SPOCK1: variants seen among roughly 807,000 people sequenced by gnomAD.
SPOCK1 encodes the protein SPARC (osteonectin), cwcv and kazal like domains proteoglycan 1.
In SPOCK1, 23 loss-of-function variants were observed where a neutral mutation model predicts 55.3. The observed-to-expected ratio is 0.42, with a 90% CI of 0.30 to 0.59. SPOCK1 has a LOEUF of 0.59. Among genes scored for constraint, SPOCK1 ranks in the 20% least tolerant of loss-of-function variants. SPOCK1 has a pLI of 0.22. For missense variants in SPOCK1, 499 were observed against 552.5 expected (o/e 0.90, Z 0.97); for synonymous variants, 226 against 221.0 (o/e 1.02, Z -0.20).
chr5:137,089,997 G>T (rs974364840), intron 5 of SPOCK1, among the ~76,000 whole-genome samples: 1 of 152,202 alleles, frequency 6.6e-6, no homozygotes, highest in Non-Finnish European at 1.5e-5. Context: ...CATGCCAGGT[G>T]TAAGCACTAG....
chr5:137,038,868 C>T (rs944625788), intron 6 of SPOCK1, among the ~76,000 whole-genome samples: 3 of 152,146 alleles, frequency 2.0e-5, no homozygotes, highest in Admixed American at 6.5e-5. Flanking sequence ...GCAGAAACTG[C>T]GTATGCATGT....
At chr5:137,085,205 C>T (rs1179842722) in intron 5 of SPOCK1, among the ~76,000 whole-genome samples, 1 of 152,150 alleles carries the variant, frequency 6.6e-6, no homozygotes, top group African/African-American at 2.4e-5. Context: ...AGATGCCCCA[C>T]CTGGCCCACC....
chr5:137,212,912 G>T (rs1755645179), intron 3 of SPOCK1, among the ~76,000 whole-genome samples: 1 of 152,164 alleles, frequency 6.6e-6, no homozygotes, highest in African/African-American at 2.4e-5. Flanking sequence ...ATAACCCCAA[G>T]CTTAGCCTCT....
chr5:137,262,624 A>G (rs962090183), intron 3 of SPOCK1, among the ~76,000 whole-genome samples: 1 of 152,218 alleles, frequency 6.6e-6, no homozygotes, highest in Non-Finnish European at 1.5e-5. Context: ...GTAACTGCTT[A>G]TGGAATGAAG....
At chr5:137,378,197 G>A (rs1414586566) in intron 2 of SPOCK1, among the ~76,000 whole-genome samples, 1 of 152,170 alleles carries the variant, frequency 6.6e-6, no homozygotes, top group Non-Finnish European at 1.5e-5. Context: ...GCCTGCCTTG[G>A]CCTCCCAAAG....
intron 2 of SPOCK1, among the ~76,000 whole-genome samples, chr5:137,283,737 A>C (rs1028764684): frequency 6.6e-6 from 1 of 152,142 alleles, no homozygotes; most frequent in Non-Finnish European, 1.5e-5. Flanking sequence ...AAACAAACAA[A>C]AAAAAAAACT....
chr5:137,125,374 A>G (rs2127040540), intron 4 of SPOCK1, among the ~76,000 whole-genome samples: 1 of 152,326 alleles, frequency 6.6e-6, no homozygotes, highest in South Asian at 2.1e-4. Flanking sequence ...CAGCCAGTAG[A>G]GAAAGCAACA....
At chr5:137,013,063 G>A (rs1751381915) in intron 6 of SPOCK1, among the ~76,000 whole-genome samples, 2 of 152,294 alleles carry the variant, frequency 1.3e-5, no homozygotes, top group East Asian at 3.9e-4. Context: ...GGGAGAAAGA[G>A]AGACACAGAG....
In SPOCK1 at chr5:137,381,523, C is replaced by CA. The variant is rs555024620; in HGVS notation, c.187-114469dup. ...GTCCATACATCCTCTGAAATCTAGA[C>CA]AGAGTTTCTCAAACCTCAACTCTTG... On this transcript the variant is annotated intron_variant, in intron 2 of 10. Transcript: ENST00000394945. 1.6e-4 allele frequency among the ~76,000 whole-genome samples: 24 copies of CA among 152,350 alleles called. No homozygotes were observed. The East Asian group carries it at 4.6e-3, about 29-fold the overall frequency.
At chr5:137,444,339 T>C (rs1047132997) in intron 2 of SPOCK1, among the ~76,000 whole-genome samples, 5 of 152,318 alleles carry the variant, frequency 3.3e-5, no homozygotes, top group Non-Finnish European at 7.3e-5. Flanking sequence ...CCCTCTCAAG[T>C]GCCTGAGCAT....
intron 2 of SPOCK1, among the ~76,000 whole-genome samples, chr5:137,393,916 A>G (rs1241863223): frequency 3.9e-5 from 6 of 152,220 alleles, no homozygotes; most frequent in Non-Finnish European, 7.3e-5. Flanking sequence ...TTATCTCCAG[A>G]TGTTCAAATG....
At chr5:137,077,378 C>T (rs570087437) in intron 5 of SPOCK1, among the ~76,000 whole-genome samples, 4 of 152,266 alleles carry the variant, frequency 2.6e-5, no homozygotes, top group South Asian at 2.1e-4. Context: ...TGCCAGAGCT[C>T]GGGAAAGGGA....
At chr5:137,336,350 C>T (rs886294268) in intron 2 of SPOCK1, among the ~76,000 whole-genome samples, 7 of 152,234 alleles carry the variant, frequency 4.6e-5, no homozygotes, top group Admixed American at 2.6e-4. Flanking sequence ...CATCCCCTTT[C>T]AGATCACAGC....
chr5:137,104,390 C>CT (rs1016021817), intron 5 of SPOCK1, among the ~76,000 whole-genome samples: 1 of 152,164 alleles, frequency 6.6e-6, no homozygotes. Context: ...AATTAAACCT[C>CT]TTTTTTAAAA....
At chr5:137,315,083 G>A (rs1056417334) in intron 2 of SPOCK1, among the ~76,000 whole-genome samples, 7 of 152,070 alleles carry the variant, frequency 4.6e-5, no homozygotes, top group African/African-American at 1.2e-4. Flanking sequence ...TGCCAATCCC[G>A]ACAGGTCCCT....
chr5:137,446,779 G>T (rs953318053), intron 2 of SPOCK1, among the ~76,000 whole-genome samples: 10 of 152,136 alleles, frequency 6.6e-5, no homozygotes, highest in African/African-American at 1.2e-4. Flanking sequence ...TTGCAAAACT[G>T]AAACCCTATA....
chr5:137,394,188 T>C (rs1751790707), intron 2 of SPOCK1, among the ~76,000 whole-genome samples: 1 of 152,210 alleles, frequency 6.6e-6, no homozygotes, highest in Admixed American at 6.5e-5. Flanking sequence ...TCTTATTTAC[T>C]TTTTTAGATA....
chr5:137,356,211 G>T (rs1338062484), intron 2 of SPOCK1, among the ~76,000 whole-genome samples: 1 of 152,002 alleles, frequency 6.6e-6, no homozygotes, highest in Non-Finnish European at 1.5e-5. Context: ...CTCTAACTCG[G>T]CCCCAGCCTA....
At chr5:137,260,895 G>A (rs2916636) in intron 3 of SPOCK1, among the ~76,000 whole-genome samples, 10,117 of 152,246 alleles carry the variant, frequency 0.066, 1,051 homozygotes, top group African/African-American at 0.23. Flanking sequence ...CCGAGTGTGC[G>A]TGTCTGGGGC....
Sources: gnomAD v4.1 joint callset for allele counts (sites outside exome capture counted in the v4.1 genomes callset) on GRCh38, gnomAD v4.1.1 for gene constraint, MANE v1.5 for transcripts, NCBI Gene and HGNC (gene_info 2026-07-23, HGNC 2026-07-21) for gene names.